Variants in TRIM44 observed in about 807,000 individuals in gnomAD.
The protein encoded by TRIM44 is tripartite motif containing 44.
TRIM44 carries 13 observed loss-of-function variants against 37.4 expected under a neutral mutation model. The ratio of observed to expected loss-of-function variants is 0.35; its 90% CI spans 0.23 to 0.55. TRIM44 has a LOEUF of 0.55. Among genes scored for constraint, TRIM44 ranks in the 20% least tolerant of loss-of-function variants. The pLI is 0.89. For missense variants in TRIM44, 426 were observed against 437.2 expected (o/e 0.97, Z 0.23); for synonymous variants, 175 against 157.2 (o/e 1.11, Z -0.85).
intron 4 of TRIM44, among the ~76,000 whole-genome samples, chr11:35,799,616 G>T (rs902689642): frequency 3.9e-5 from 6 of 152,300 alleles, no homozygotes; most frequent in African/African-American, 9.6e-5. Context: ...ATTTCTGGGG[G>T]TTCTAGAGTC....
chr11:35,775,699 A>G (rs1852947168), intron 4 of TRIM44, among the ~76,000 whole-genome samples: 1 of 152,164 alleles, frequency 6.6e-6, no homozygotes, highest in African/African-American at 2.4e-5. Flanking sequence ...AATTTTGTCA[A>G]AGGCCTTTTC....
chr11:35,796,378 G>C (rs757623823), intron 4 of TRIM44, among the ~76,000 whole-genome samples: 18 of 152,166 alleles, frequency 1.2e-4, no homozygotes, highest in Non-Finnish European at 2.4e-4. Context: ...TTTCTCTTTG[G>C]TAACTTGTGA....
At chr11:35,678,093 G>C (rs1466956546) in intron 1 of TRIM44, among the ~76,000 whole-genome samples, 1 of 152,182 alleles carries the variant, frequency 6.6e-6, no homozygotes, top group Non-Finnish European at 1.5e-5. Context: ...TGGGGTAGGG[G>C]TTGACTAGTA....
intron 2 of TRIM44, among the ~76,000 whole-genome samples, chr11:35,708,841 G>A (rs1442222670): frequency 1.3e-5 from 2 of 151,824 alleles, no homozygotes; most frequent in African/African-American, 4.8e-5. Context: ...CAGCACACCA[G>A]CATGGCACAT....
chr11:35,673,911 T>G (rs1215374056), intron 1 of TRIM44, among the ~76,000 whole-genome samples: 3 of 151,910 alleles, frequency 2.0e-5, no homozygotes, highest in African/African-American at 4.8e-5. Context: ...CTAACCCAAG[T>G]CTGAGAAGCC....
chr11:35,715,629 G>A lies in TRIM44; in HGVS notation c.748-10295G>A, dbSNP rs190198626. Among the ~76,000 whole-genome samples the A allele has an allele frequency of 1.3e-3, 204 of 152,050 alleles. 1 individual carries two copies. In the Middle Eastern group the frequency reaches 0.017, roughly 13 times the overall value. ...TCTGGCCACAAGTAGAGGAAGGATG[G>A]AGTAGTCTGACTGAGATAGGGGGTG... On this transcript the variant is annotated intron_variant, in intron 2 of 4. Coordinates refer to ENST00000299413, the MANE Select transcript of TRIM44 (RefSeq NM_017583.6).
chr11:35,809,003 A>T lies in TRIM44; in HGVS notation c.*2618A>T, dbSNP rs1444700420. ...AGAGAAGTCACCAAGGGAGGCAGGTAATGAATGTTTCCAGAATCAGTCGGA... is the reference window on the plus strand; with the variant it reads ...AGAGAAGTCACCAAGGGAGGCAGGTTATGAATGTTTCCAGAATCAGTCGGA... On this transcript the variant is annotated 3_prime_UTR_variant, in exon 5 of 5. Coordinates refer to ENST00000299413, the MANE Select transcript of TRIM44 (RefSeq NM_017583.6). The T allele has an allele frequency of 6.6e-6, 1 of 152,230 alleles. No homozygotes were observed. Among genetic ancestry groups the T allele is most frequent in the Non-Finnish European group, 1.5e-5 (1 of 68,050 alleles). The allele number at this position is 152,230 out of a possible 1,614,324, so 9.4% of individuals were successfully genotyped here.
Position 35,726,025 on chromosome 11 carries a change from C to T in TRIM44, c.849C>T (p.Ile283=), listed in dbSNP as rs1564980154. Residue 283 remains isoleucine (I), a synonymous_variant, in exon 3 of 5, where the codon ATC becomes ATT. Coordinates refer to ENST00000299413, the MANE Select transcript of TRIM44 (RefSeq NM_017583.6). ...EEQKALHLVD[I]QEAMATAHVT... is the part of the protein sequence containing the mutation. ...AGAAGGCCCTTCATCTAGTGGACAT[C>T]CAAGAGGCAATGGCCACAGCTCATG... is the stretch of plus-strand genomic sequence containing the variant. The T allele has an allele frequency of 6.2e-7, 1 of 1,613,970 alleles. No homozygotes were observed. Among genetic ancestry groups the T allele is most frequent in the Non-Finnish European group, 8.5e-7 (1 of 1,180,022 alleles).
At position 35,814,191 on chromosome 11, in the gene TRIM44, TG is replaced by T. The variant is rs1217254198; in HGVS notation, c.*7807del. 1 of 152,238 alleles carries T rather than the reference TG, an allele frequency of 6.6e-6. No homozygotes were observed. The highest frequency in any genetic ancestry group is 1.5e-5 in the Non-Finnish European group (1 of 68,044). The allele number at this position is 152,238 out of a possible 1,614,324, so 9.4% of individuals were successfully genotyped here. On this transcript the variant is annotated 3_prime_UTR_variant, in exon 5 of 5. Transcript: ENST00000299413. Reference sequence around the variant, plus strand: ...AAGTTGAGTGTTACACAATTTAACCTGTAATAACAGGTTCTCACTTGTATTT... The same window carrying T: ...AAGTTGAGTGTTACACAATTTAACCTTAATAACAGGTTCTCACTTGTATTT...
chr11:35,782,826 G>C (rs1288530923), intron 4 of TRIM44, among the ~76,000 whole-genome samples: 1 of 152,156 alleles, frequency 6.6e-6, no homozygotes, highest in African/African-American at 2.4e-5. Context: ...AGTTAGCAAG[G>C]AGAGTGAGTT....
intron 2 of TRIM44, among the ~76,000 whole-genome samples, chr11:35,709,886 C>T (rs560655988): frequency 1.2e-4 from 19 of 152,268 alleles, no homozygotes; most frequent in East Asian, 1.9e-4. Context: ...ATTTGTGAAT[C>T]GGGCAGCCCC....
chr11:35,803,738 A>G (rs1381399533), intron 4 of TRIM44, among the ~76,000 whole-genome samples: 1 of 152,140 alleles, frequency 6.6e-6, no homozygotes, highest in African/African-American at 2.4e-5. Flanking sequence ...AATAAATAAA[A>G]TGAGATAACC....
intron 3 of TRIM44, among the ~76,000 whole-genome samples, chr11:35,734,389 G>A (rs1852304142): frequency 6.6e-6 from 1 of 152,142 alleles, no homozygotes; most frequent in Admixed American, 6.5e-5. Context: ...AGTTAAGAAA[G>A]GCAAAATAAC....
chr11:35,670,978 A>C (rs1851387290), intron 1 of TRIM44, among the ~76,000 whole-genome samples: 1 of 152,224 alleles, frequency 6.6e-6, no homozygotes, highest in African/African-American at 2.4e-5. Context: ...TGCAATGTAC[A>C]TTTACTTATT....
At chr11:35,686,804 C>T (rs147559335) in intron 2 of TRIM44, among the ~76,000 whole-genome samples, 1,605 of 152,220 alleles carry the variant, frequency 0.011, 30 homozygotes, top group African/African-American at 0.037. Flanking sequence ...GTGATCTGCC[C>T]GCCTCAGTCT....
chr11:35,673,674 C>A (rs1386455189), intron 1 of TRIM44, among the ~76,000 whole-genome samples: 1 of 152,112 alleles, frequency 6.6e-6, no homozygotes, highest in African/African-American at 2.4e-5. Flanking sequence ...CTCTTTTTCT[C>A]TTTCCTGGCC....
chr11:35,806,896 T>C lies in TRIM44; in HGVS notation c.*511T>C, dbSNP rs989605923. 1 of 152,758 alleles carries C rather than the reference T, an allele frequency of 6.5e-6. No individual in the cohort carries two copies. Among genetic ancestry groups the C allele is most frequent in the African/African-American group, 2.4e-5 (1 of 41,398 alleles). The allele number at this position is 152,758 out of a possible 1,614,324, so 9.5% of individuals were successfully genotyped here. A position where few individuals can be genotyped will look rare whatever the true frequency, so the allele number is the denominator to read the frequency against. ...AAGTCCAGTTCTACATTTGTGAAAATTGTGGTGCCATGAATTAAGATGGAT... is the reference window on the plus strand; with the variant it reads ...AAGTCCAGTTCTACATTTGTGAAAACTGTGGTGCCATGAATTAAGATGGAT... On this transcript the variant is annotated 3_prime_UTR_variant, in exon 5 of 5. Transcript: ENST00000299413.
chr11:35,673,898 C>T (rs764825438), intron 1 of TRIM44, among the ~76,000 whole-genome samples: 6 of 151,958 alleles, frequency 3.9e-5, no homozygotes, highest in Non-Finnish European at 7.4e-5. Flanking sequence ...TCTCCGCTTG[C>T]ACCTAACCCA....
intron 4 of TRIM44, among the ~76,000 whole-genome samples, chr11:35,736,776 A>G (rs1368504663): frequency 6.6e-6 from 1 of 152,170 alleles, no homozygotes; most frequent in Non-Finnish European, 1.5e-5. Context: ...TCAGGGAACC[A>G]CTTCAGACTC....
Sources: allele counts gnomAD v4.1 joint callset (sites outside exome capture counted in the v4.1 genomes callset), GRCh38; gene constraint gnomAD v4.1.1; transcripts MANE v1.5; gene names NCBI Gene and HGNC (gene_info 2026-07-23, HGNC 2026-07-21).